Variants in PRKCH observed in about 807,000 individuals in gnomAD.
PRKCH encodes protein kinase C eta.
In PRKCH, 28 loss-of-function variants were observed where a neutral mutation model predicts 82.5. The ratio of observed to expected loss-of-function variants is 0.34; its 90% CI spans 0.25 to 0.47. The LOEUF (loss-of-function observed/expected upper bound fraction) is 0.47. PRKCH is among the 20% of genes least tolerant of loss of function. The pLI is 1.00. For missense variants in PRKCH, 705 were observed against 881.8 expected (o/e 0.80, Z 2.54); for synonymous variants, 322 against 327.4 (o/e 0.98, Z 0.18).
In PRKCH at chr14:61,519,999, C is replaced by T. The variant is rs113750953; in HGVS notation, c.1434-9076C>T. 2.6e-3 allele frequency among the ~76,000 whole-genome samples: 387 copies of T among 150,542 alleles called. 2 individuals carry two copies. Among genetic ancestry groups the T allele is most frequent in the African/African-American group, 9.1e-3 (370 of 40,744 alleles). ...TGGAGCCTGGGTTCCAAAAGAAATC[C>T]TTTGCACTCTGACCAATGGGTCCTT... is the stretch of plus-strand genomic sequence containing the variant. On this transcript the variant is annotated intron_variant, in intron 10 of 13. Transcript: ENST00000332981.
At chr14:61,352,658 A>AAGAGAG (rs113969377) in intron 1 of PRKCH, among the ~76,000 whole-genome samples, 5 of 138,948 alleles carry the variant, frequency 3.6e-5, no homozygotes, top group African/African-American at 1.4e-4. Flanking sequence ...GAAAGAAAGA[A>AAGAGAG]AGAGAGAGAG....
At chr14:61,539,410 G>A (rs2043153497) in intron 12 of PRKCH, among the ~76,000 whole-genome samples, 1 of 152,180 alleles carries the variant, frequency 6.6e-6, no homozygotes, top group Admixed American at 6.5e-5. Context: ...ACAGTATAGG[G>A]CATTTAGTGT....
intron 1 of PRKCH, among the ~76,000 whole-genome samples, chr14:61,274,507 A>G (rs1195345393): frequency 6.6e-6 from 1 of 152,210 alleles, no homozygotes; most frequent in East Asian, 1.9e-4. Flanking sequence ...TCAGATGAGA[A>G]GTAGCAAAGC....
At chr14:61,231,668 G>T (rs114466028) in intron 1 of PRKCH, among the ~76,000 whole-genome samples, 1 of 152,046 alleles carries the variant, frequency 6.6e-6, no homozygotes, top group Non-Finnish European at 1.5e-5. Flanking sequence ...CACCGTGGCC[G>T]GCTGAATCTT....
intron 1 of PRKCH, among the ~76,000 whole-genome samples, chr14:61,272,571 C>G (rs2045167347): frequency 1.3e-5 from 2 of 151,882 alleles, no homozygotes; most frequent in African/African-American, 4.8e-5. Flanking sequence ...CCAGGCTGGT[C>G]TCTATATCTC....
chr14:61,415,029 A>AT (rs1440534869), intron 2 of PRKCH, among the ~76,000 whole-genome samples: 1 of 151,250 alleles, frequency 6.6e-6, no homozygotes, highest in Non-Finnish European at 1.5e-5. Flanking sequence ...TTCAGGCCCC[A>AT]TTTTTCCTGT....
Position 61,188,616 on chromosome 14 carries a change from GTGTGTGTGTGTGT to G in PRKCH, c.-19+949_-19+961del, listed in dbSNP as rs1566774195. 4.9e-4 allele frequency among the ~76,000 whole-genome samples: 17 copies of G among 34,578 alleles called. 2 individuals carry two copies. The highest frequency in any genetic ancestry group is 4.7e-3 in the East Asian group (6 of 1,272). 22.7% of individuals were successfully genotyped at this position (34,578 alleles called of 152,430 possible). A position where few individuals can be genotyped will look rare whatever the true frequency, so the allele number is the denominator to read the frequency against. ...GGGGGGTGGGGGGGTGGTGTGGTGT[GTGTGTGTGTGTGT>G]GTGTGTGTGTGTGTGTGTGTGTGTG... is the stretch of plus-strand genomic sequence containing the variant. On this transcript the variant is annotated intron_variant, in intron 1 of 3. Coordinates refer to the PRKCH transcript ENST00000555185.
At chr14:61,225,197 G>C (rs980977290) in intron 1 of PRKCH, among the ~76,000 whole-genome samples, 4 of 152,238 alleles carry the variant, frequency 2.6e-5, no homozygotes, top group African/African-American at 9.6e-5. Flanking sequence ...CTCACAGCAT[G>C]GTTATTTGGA....
At chr14:61,376,040 T>G (rs2046424468) in intron 1 of PRKCH, among the ~76,000 whole-genome samples, 1 of 149,480 alleles carries the variant, frequency 6.7e-6, no homozygotes, top group South Asian at 2.1e-4. Flanking sequence ...AAAAAGCTCA[T>G]AAATACATTA....
intron 12 of PRKCH, among the ~76,000 whole-genome samples, chr14:61,531,422 A>G (rs1057238477): frequency 5.3e-5 from 8 of 152,252 alleles, no homozygotes; most frequent in African/African-American, 1.7e-4. Flanking sequence ...AAGAATTACT[A>G]TCCTTAAGTT....
chr14:61,475,750 C>A (rs1885702574), intron 9 of PRKCH, among the ~76,000 whole-genome samples: 1 of 151,952 alleles, frequency 6.6e-6, no homozygotes, highest in Non-Finnish European at 1.5e-5. Flanking sequence ...TTACTTTTTC[C>A]TTTCTGTTTT....
At chr14:61,222,358 T>G (rs568191792) in intron 1 of PRKCH, among the ~76,000 whole-genome samples, 4 of 152,354 alleles carry the variant, frequency 2.6e-5, no homozygotes, top group African/African-American at 7.2e-5. Flanking sequence ...TTATTTGGTG[T>G]TGTGTAGATC....
chr14:61,478,833 C>G (rs1310989199), intron 9 of PRKCH, among the ~76,000 whole-genome samples: 2 of 152,074 alleles, frequency 1.3e-5, no homozygotes, highest in Admixed American at 1.3e-4. Context: ...TGCCCTCCAG[C>G]CTGGGTGACA....
chr14:61,204,365 A>C (rs1271525174), intron 1 of PRKCH, among the ~76,000 whole-genome samples: 2 of 152,210 alleles, frequency 1.3e-5, no homozygotes, highest in African/African-American at 4.8e-5. Context: ...GAAAGTTTAA[A>C]TAACTTTCCC....
intron 7 of PRKCH, among the ~76,000 whole-genome samples, chr14:61,456,683 C>A (rs574419120): frequency 6.6e-6 from 1 of 152,260 alleles, no homozygotes; most frequent in South Asian, 2.1e-4. Flanking sequence ...GATCATTGTT[C>A]TAATATTCAC....
rs372259461 is a variant in PRKCH at position 61,333,116 on chromosome 14, A to C, written c.363+10652A>C. 1.8e-4 allele frequency among the ~76,000 whole-genome samples: 27 copies of C among 152,218 alleles called. 1 individual carries two copies. Among genetic ancestry groups the C allele is most frequent in the Non-Finnish European group, 3.4e-4 (23 of 68,042 alleles). ...AAACAGAATACATTTATTTATTTGCAAGCTGTGGGCCTCTTAGATGCTTTA... is the reference window on the plus strand; with the variant it reads ...AAACAGAATACATTTATTTATTTGCCAGCTGTGGGCCTCTTAGATGCTTTA... On this transcript the variant is annotated intron_variant, in intron 1 of 13. Transcript: ENST00000332981.
chr14:61,364,258 G>A (rs1392629816), intron 1 of PRKCH, among the ~76,000 whole-genome samples: 6 of 151,794 alleles, frequency 4.0e-5, no homozygotes, highest in Admixed American at 2.0e-4. Context: ...AAGATAGAAT[G>A]GGATTGGGAA....
At chr14:61,263,030 C>A (rs1291671676) in intron 1 of PRKCH, among the ~76,000 whole-genome samples, 1 of 152,130 alleles carries the variant, frequency 6.6e-6, no homozygotes, top group East Asian at 1.9e-4. Flanking sequence ...CATCATTGGT[C>A]CATTTGTAGC....
At chr14:61,208,060 T>C (rs2044541561) in intron 1 of PRKCH, among the ~76,000 whole-genome samples, 1 of 149,102 alleles carries the variant, frequency 6.7e-6, no homozygotes, top group African/African-American at 2.4e-5. Flanking sequence ...AATGTGATTA[T>C]GAAGTGACAA....
Sources: gnomAD v4.1 joint callset for allele counts (sites outside exome capture counted in the v4.1 genomes callset) on GRCh38, gnomAD v4.1.1 for gene constraint, MANE v1.5 for transcripts, NCBI Gene and HGNC (gene_info 2026-07-23, HGNC 2026-07-21) for gene names.